The following KAT2B variants were observed in gnomAD, a reference collection of about 807,000 sequenced individuals.
The protein encoded by KAT2B is lysine acetyltransferase 2B.
In KAT2B, 36 loss-of-function variants were observed where a neutral mutation model predicts 105.9. That is an observed-to-expected ratio of 0.34 (90% confidence interval 0.26 to 0.45). The LOEUF is 0.45. Ranked by LOEUF, KAT2B falls within the 20% of genes least tolerant of loss-of-function variation. The pLI, the probability that KAT2B is intolerant of heterozygous loss-of-function variation, is 1.00. For missense variants in KAT2B, 820 were observed against 1,021.6 expected, an observed-to-expected ratio of 0.80 and a Z score of 2.69; for synonymous variants, 397 against 377.9, an observed-to-expected ratio of 1.05 and a Z score of -0.59.
At chr3:20,064,507 T>C (rs932288572) in intron 1 of KAT2B, among the ~76,000 whole-genome samples, 1 of 152,210 alleles carries the variant, frequency 6.6e-6, no homozygotes, top group Non-Finnish European at 1.5e-5. Flanking sequence ...GTTTTGATCC[T>C]TGACATTTAA....
intron 13 of KAT2B, among the ~76,000 whole-genome samples, chr3:20,146,109 CA>C (rs754269127): frequency 2.6e-5 from 4 of 152,170 alleles, no homozygotes; most frequent in Non-Finnish European, 5.9e-5. Flanking sequence ...ACAAGTAACT[CA>C]AAGATGTTTT....
intron 13 of KAT2B, among the ~76,000 whole-genome samples, chr3:20,144,945 A>G (rs1406131747): frequency 6.6e-6 from 1 of 151,896 alleles, no homozygotes; most frequent in African/African-American, 2.4e-5. Context: ...ACAGGCGTGC[A>G]CTACCATGCC....
At chr3:20,086,371 G>T (rs1698615218) in intron 2 of KAT2B, among the ~76,000 whole-genome samples, 1 of 152,170 alleles carries the variant, frequency 6.6e-6, no homozygotes, top group Non-Finnish European at 1.5e-5. Context: ...ATCCGAGACG[G>T]GAGGATCACT....
At chr3:20,118,926 A>G (rs1699258799) in intron 7 of KAT2B, among the ~76,000 whole-genome samples, 2 of 151,758 alleles carry the variant, frequency 1.3e-5, no homozygotes, top group South Asian at 4.2e-4. Context: ...TCTGTCAGCA[A>G]ATGTAACATT....
At chr3:20,123,416 C>G (rs9864799) in intron 9 of KAT2B, among the ~76,000 whole-genome samples, 152,261 of 152,354 alleles carry the variant, frequency 1, 76,084 homozygotes, top group Middle Eastern at 1. Context: ...GCCAAATCTG[C>G]TCCACTGGCT....
At chr3:20,057,262 T>G (rs1391677104) in intron 1 of KAT2B, among the ~76,000 whole-genome samples, 1 of 152,110 alleles carries the variant, frequency 6.6e-6, no homozygotes, top group Non-Finnish European at 1.5e-5. Context: ...GGCAAGCCTT[T>G]TTGTAAAACT....
At chr3:20,102,914 A>G (rs1698934555) in intron 5 of KAT2B, among the ~76,000 whole-genome samples, 2 of 152,220 alleles carry the variant, frequency 1.3e-5, no homozygotes, top group African/African-American at 4.8e-5. Flanking sequence ...TTTCTGTAAC[A>G]GCAGATAACA....
chr3:20,056,767 A>G (rs112746461), intron 1 of KAT2B, among the ~76,000 whole-genome samples: 56 of 152,330 alleles, frequency 3.7e-4, no homozygotes, highest in African/African-American at 1.3e-3. Flanking sequence ...GAGGAGGCAC[A>G]AGGTATTTTA....
chr3:20,127,132 G>C (rs983070614), intron 10 of KAT2B, among the ~76,000 whole-genome samples: 13 of 152,320 alleles, frequency 8.5e-5, no homozygotes, highest in African/African-American at 2.6e-4. Flanking sequence ...GGCTGTGCCA[G>C]TTCCAGAGCA....
At chr3:20,057,031 G>A (rs1016386707) in intron 1 of KAT2B, among the ~76,000 whole-genome samples, 1 of 152,180 alleles carries the variant, frequency 6.6e-6, no homozygotes, top group Non-Finnish European at 1.5e-5. Flanking sequence ...GAGTGGGAAT[G>A]TATTGGAAGA....
At chr3:20,107,006 TA>T (rs1699027770) in intron 5 of KAT2B, among the ~76,000 whole-genome samples, 2 of 42,216 alleles carry the variant, frequency 4.7e-5, no homozygotes, top group East Asian at 1.3e-3. Flanking sequence ...TATATATATA[TA>T]TATATATATT....
At chr3:20,054,680 T>TA (rs1331743077) in intron 1 of KAT2B, among the ~76,000 whole-genome samples, 1 of 152,236 alleles carries the variant, frequency 6.6e-6, no homozygotes, top group East Asian at 1.9e-4. Context: ...ACCTGAGTAA[T>TA]ATCATAGTGA....
chr3:20,106,774 G>T (rs527738376), intron 5 of KAT2B, among the ~76,000 whole-genome samples: 1 of 150,970 alleles, frequency 6.6e-6, no homozygotes, highest in African/African-American at 2.4e-5. Context: ...CAGAAATAAT[G>T]TCAGTCTTAG....
At chr3:20,112,495 TA>T (rs1001456272) in intron 6 of KAT2B, among the ~76,000 whole-genome samples, 30 of 152,224 alleles carry the variant, frequency 2.0e-4, no homozygotes, top group African/African-American at 6.8e-4. Context: ...TTTTTAATGC[TA>T]AAAACCAAAA....
chr3:20,055,350 A>G (rs978770527), intron 1 of KAT2B, among the ~76,000 whole-genome samples: 3 of 152,218 alleles, frequency 2.0e-5, no homozygotes, highest in East Asian at 3.8e-4. Flanking sequence ...ATGGGTCCTT[A>G]TTCTTGCAGA....
intron 1 of KAT2B, among the ~76,000 whole-genome samples, chr3:20,063,211 G>A (rs1004267289): frequency 3.9e-5 from 6 of 152,042 alleles, no homozygotes; most frequent in Admixed American, 6.6e-5. Context: ...GTGACTGCAG[G>A]CGTGCACCAC....
In KAT2B at chr3:20,122,563, G is replaced by A. The variant is rs984000336; in HGVS notation, c.1277-105G>A. 7.3e-6 allele frequency: 6 copies of A among 826,262 alleles called. No individual in the cohort carries two copies. The African/African-American group carries it at 8.5e-5, about 12-fold the overall frequency. 51.2% of individuals were successfully genotyped at this position (826,262 alleles called of 1,614,324 possible). On this transcript the variant is annotated intron_variant, in intron 8 of 17. Transcript: ENST00000263754. Reference sequence around the variant, plus strand: ...CCCTTCCCCTGGTGGTAAAGATAGAGTTGACCTCCATGCCCATCAATGCTG... The same window carrying A: ...CCCTTCCCCTGGTGGTAAAGATAGAATTGACCTCCATGCCCATCAATGCTG...
intron 2 of KAT2B, among the ~76,000 whole-genome samples, chr3:20,081,131 C>T (rs1276796683): frequency 5.3e-5 from 8 of 152,188 alleles, no homozygotes; most frequent in African/African-American, 1.9e-4. Context: ...CTTCTAGCCT[C>T]GATGCCAAAT....
At chr3:20,140,499 TTCTC>T (rs745853401) in intron 13 of KAT2B, 135 bp downstream of exon 13, 7 of 817,716 alleles carry the variant, frequency 8.6e-6, no homozygotes, top group African/African-American at 3.4e-5. Flanking sequence ...TCTAGATTTC[TTCTC>T]TCTCTCTTTT....
Sources: gnomAD v4.1 joint callset for allele counts (sites outside exome capture counted in the v4.1 genomes callset) on GRCh38, gnomAD v4.1.1 for gene constraint, MANE v1.5 for transcripts, NCBI Gene and HGNC (gene_info 2026-07-23, HGNC 2026-07-21) for gene names.